ZFC3H1: variants seen among roughly 807,000 people sequenced by gnomAD.
ZFC3H1 encodes zinc finger C3H1-type containing.
In ZFC3H1, 71 loss-of-function variants were observed where a neutral mutation model predicts 243.7. The observed-to-expected ratio is 0.29, with a 90% confidence interval of 0.24 to 0.36. ZFC3H1 has a LOEUF of 0.36. ZFC3H1 is among the 10% of genes least tolerant of loss of function. ZFC3H1 has a pLI of 1.00. For missense variants in ZFC3H1, 1,966 were observed against 2,317.1 expected (o/e 0.85, Z 3.11); for synonymous variants, 838 against 813.0 (o/e 1.03, Z -0.52).
intron 16 of ZFC3H1, among the ~76,000 whole-genome samples, chr12:71,631,368 T>G (rs916141151): frequency 5.9e-5 from 9 of 152,124 alleles, no homozygotes; most frequent in African/African-American, 1.9e-4. Context: ...TTTAAAAGTC[T>G]AAATGGGGGA....
At chr12:71,657,365 C>T in intron 1 of ZFC3H1, 64 bp from the exon 2 acceptor site, 7 of 1,189,532 alleles carry the variant, frequency 5.9e-6, no homozygotes, top group Non-Finnish European at 8.0e-6. Flanking sequence ...AACAAAAAAA[C>T]TTAGATTATA....
At chr12:71,624,987 G>C (rs1880127107) in intron 22 of ZFC3H1, among the ~76,000 whole-genome samples, 1 of 152,008 alleles carries the variant, frequency 6.6e-6, no homozygotes, top group Non-Finnish European at 1.5e-5. Context: ...TAAAAAGAAA[G>C]AAAGGAAATG....
Position 71,609,693 on chromosome 12 carries a change from TCTTTA to T in ZFC3H1, c.*730_*734del, listed in dbSNP as rs974419299. On this transcript the variant is annotated 3_prime_UTR_variant, in exon 35 of 35. Coordinates refer to ENST00000378743, the MANE Select transcript of ZFC3H1 (RefSeq NM_144982.5). ...ACAAAGCAGTTCAAATATTAACTGTTCTTTAAACTGTTAAACTTTATTATAAATTA... is the reference window on the plus strand; with the variant it reads ...ACAAAGCAGTTCAAATATTAACTGTTAACTGTTAAACTTTATTATAAATTA... 5 of 152,564 alleles carry T rather than the reference TCTTTA, an allele frequency of 3.3e-5. No individual in the cohort carries two copies. The highest frequency in any genetic ancestry group is 1.2e-4 in the African/African-American group (5 of 41,446). 9.5% of individuals were successfully genotyped at this position (152,564 alleles called of 1,614,324 possible). A position where few individuals can be genotyped will look rare whatever the true frequency, so the allele number is the denominator to read the frequency against.
chr12:71,614,942 T>C lies in ZFC3H1; in HGVS notation c.5256-4A>G. 1 of 1,609,432 alleles carries C rather than the reference T, an allele frequency of 6.2e-7. No individual in the cohort carries two copies. ...TGATTGAAGAGGATGACAAAGGCTG[T>C]TTAAAAAATGAAGGAAAACATATGT... On this transcript the variant is annotated splice_polypyrimidine_tract_variant and splice_region_variant and intron_variant, in intron 28 of 34. Transcript: ENST00000378743.
At chr12:71,635,377 GA>G (rs878949557) in intron 10 of ZFC3H1, 65 bp downstream of exon 10, 3 of 1,510,374 alleles carry the variant, frequency 2.0e-6, no homozygotes, top group Non-Finnish European at 2.6e-6. Flanking sequence ...TAATTTTCAG[GA>G]AAAAATAAAC....
intron 2 of ZFC3H1, among the ~76,000 whole-genome samples, chr12:71,650,129 C>A (rs1471396039): frequency 6.6e-6 from 1 of 151,440 alleles, no homozygotes; most frequent in Non-Finnish European, 1.5e-5. Flanking sequence ...TGGAGCCTGC[C>A]GTGAGCCGAG....
Position 71,663,375 on chromosome 12 carries a change from G to T in ZFC3H1, c.236C>A (p.Ser79Tyr), listed in dbSNP as rs752533065. The change falls in exon 1 of 35, where the codon TCT (serine) becomes TAT (tyrosine). Residue 79 changes from serine to tyrosine, a missense_variant. Physicochemically the swap from Ser to Tyr is moderately radical, Grantham distance 144 (BLOSUM62 -2). Coordinates refer to ENST00000378743, the MANE Select transcript of ZFC3H1 (RefSeq NM_144982.5). ...TGAGAAATTCCTCAGCTGCTGCTGA[G>T]AAGAGGACGATGACGAGGAAGAGCC... ...GGGSSSSSSS[S>Y]QQQLRNFSRS... The T allele has an allele frequency of 6.2e-7, 1 of 1,612,684 alleles. No individual in the cohort carries two copies. Among genetic ancestry groups the T allele is most frequent in the African/African-American group, 1.3e-5 (1 of 74,948 alleles).
intron 13 of ZFC3H1, 120 bp from the exon 14 acceptor site, chr12:71,633,137 T>C: frequency 7.2e-7 from 1 of 1,396,436 alleles, no homozygotes; most frequent in East Asian, 2.5e-5. Context: ...CCAATATTAT[T>C]TCTCAACAAG....
At chr12:71,634,425 AC>A in intron 11 of ZFC3H1, 121 bp from the exon 12 acceptor site, 2 of 1,220,564 alleles carry the variant, frequency 1.6e-6, no homozygotes, top group East Asian at 2.5e-5. Context: ...AAAGATGATG[AC>A]CAATATGCAA....
In ZFC3H1 at chr12:71,614,654, C is replaced by T; in HGVS notation, c.5407G>A (p.Val1803Ile). The T allele has an allele frequency of 6.2e-7, 1 of 1,612,542 alleles. No homozygotes were observed. The highest frequency in any genetic ancestry group is 1.1e-5 in the South Asian group (1 of 90,670). ...TCAGTAAAAAATTTGAATTCTTGAACTTTGTTTCTGGATCCAGCAGCTCTA... is the reference window on the plus strand; with the variant it reads ...TCAGTAAAAAATTTGAATTCTTGAATTTTGTTTCTGGATCCAGCAGCTCTA... ...NNRAAGSRNK[V>I]QEFKFFTDLV... Residue 1803 changes from valine to isoleucine, a missense_variant, in exon 30 of 35, where the codon GTT becomes ATT. Val to Ile is a conservative substitution (Grantham distance 29). Around this residue, in one of 4 missense-constraint regions of ZFC3H1, gnomAD observed 1,383 missense variants for 1,723.7 expected, o/e 0.80. Transcript: ENST00000378743.
Position 71,634,976 on chromosome 12 carries a change from A to G in ZFC3H1, c.2239-151T>C, listed in dbSNP as rs111680315. ...ATTTTCTATTCTTTTTTCTAAAACA[A>G]TGTTGGTTGATAACTACTAAATTGT... On this transcript the variant is annotated intron_variant, in intron 10 of 34. Coordinates refer to ENST00000378743, the MANE Select transcript of ZFC3H1 (RefSeq NM_144982.5). The G allele has an allele frequency of 4.0e-3, 4,004 of 994,408 alleles. 112 individuals are homozygous for G. In the African/African-American group the frequency reaches 0.06, roughly 15 times the overall value. The allele number at this position is 994,408 out of a possible 1,614,324, so 61.6% of individuals were successfully genotyped here. A position where few individuals can be genotyped will look rare whatever the true frequency, so the allele number is the denominator to read the frequency against.
intron 30 of ZFC3H1, 100 bp from the exon 31 acceptor site, chr12:71,613,535 G>T (rs1879824614): frequency 1.5e-6 from 1 of 668,610 alleles, no homozygotes; most frequent in East Asian, 2.9e-5. Context: ...TTTAAGATAT[G>T]AATGTATAAA....
chr12:71,645,989 G>A (rs1880720269), intron 3 of ZFC3H1, among the ~76,000 whole-genome samples: 2 of 152,100 alleles, frequency 1.3e-5, no homozygotes, highest in Non-Finnish European at 2.9e-5. Context: ...GAAGGGAAAG[G>A]AAGAGTCAAA....
chr12:71,659,822 C>A (rs1326342779), intron 1 of ZFC3H1, among the ~76,000 whole-genome samples: 1 of 152,136 alleles, frequency 6.6e-6, no homozygotes, highest in African/African-American at 2.4e-5. Context: ...GCTATTCAAC[C>A]TTTTCAGCTG....
rs1458571319 is a variant in ZFC3H1, at chr12:71,610,130, AC to A, written c.*297del. 12 of 211,886 alleles carry A rather than the reference AC, an allele frequency of 5.7e-5. No individual in the cohort carries two copies. Among genetic ancestry groups the A allele is most frequent in the East Asian group, 2.1e-4 (2 of 9,492 alleles). The allele number at this position is 211,886 out of a possible 1,614,324, so 13.1% of individuals were successfully genotyped here. On this transcript the variant is annotated 3_prime_UTR_variant, in exon 35 of 35. Transcript: ENST00000378743. ...GGAATGGGGGAGAAAATAAAAAAAA[AC>A]AAAGCAAAATTAAAATAAATGTCAG... is the stretch of plus-strand genomic sequence containing the variant.
rs1287414931 is a variant in ZFC3H1 at position 71,613,381 on chromosome 12, C to G, written c.5581G>C (p.Glu1861Gln). Residue 1861 changes from glutamate (E) to glutamine (Q), a missense_variant, in exon 31 of 35, where the codon GAA becomes CAA. Glu to Gln is a conservative substitution (Grantham distance 29). Coordinates refer to ENST00000378743, the MANE Select transcript of ZFC3H1 (RefSeq NM_144982.5). ...VPKTQHSKTLERFCSVMPANS... is the reference protein window; with the variant it reads ...VPKTQHSKTLQRFCSVMPANS... ...GCTGGCATAACTGAACAAAACCGTT[C>G]CAAGGTTTTGGAATGCTGGGTCTTT... The G allele has an allele frequency of 1.2e-6, 2 of 1,609,766 alleles. No homozygotes were observed. The highest frequency in any genetic ancestry group is 1.3e-5 in the African/African-American group (1 of 74,766).
At chr12:71,662,600 C>T (rs1881213185) in intron 1 of ZFC3H1, among the ~76,000 whole-genome samples, 1 of 148,632 alleles carries the variant, frequency 6.7e-6, no homozygotes, top group African/African-American at 2.5e-5. Flanking sequence ...CAATTTTCAA[C>T]GTCAAACTGC....
At chr12:71,662,603 C>T (rs1038376932) in intron 1 of ZFC3H1, among the ~76,000 whole-genome samples, 1 of 150,836 alleles carries the variant, frequency 6.6e-6, no homozygotes, top group African/African-American at 2.4e-5. Flanking sequence ...TTTTCAACGT[C>T]AAACTGCAAT....
chr12:71,615,312 G>C lies in ZFC3H1; in HGVS notation c.5149C>G (p.Leu1717Val). 6.3e-7 allele frequency: 1 copy of C among 1,590,210 alleles called. No individual in the cohort carries two copies. The highest frequency in any genetic ancestry group is 2.2e-5 in the East Asian group (1 of 44,510). The change falls in exon 28 of 35, where the codon CTC becomes GTC. Residue 1717 changes from leucine (L) to valine (V), a missense_variant. Coordinates refer to ENST00000378743, the MANE Select transcript of ZFC3H1 (RefSeq NM_144982.5). ...KYNNLDLFRYLLNIPGPIDIP... is the reference protein window; with the variant it reads ...KYNNLDLFRYVLNIPGPIDIP... ...TCAATTGGTCCTGGAATATTTAAGA[G>C]ATACCTGAAAAAAAAAATCCAAATA... is the stretch of plus-strand genomic sequence containing the variant.
Sources: allele counts gnomAD v4.1 joint callset (sites outside exome capture counted in the v4.1 genomes callset), GRCh38; gene constraint gnomAD v4.1.1; regional missense constraint gnomAD v4.1.1; transcripts MANE v1.5; gene names NCBI Gene and HGNC (gene_info 2026-07-23, HGNC 2026-07-21).